Variants in MACROD2 observed in about 807,000 individuals in gnomAD.
MACROD2 encodes ADP-ribose glycohydrolase MACROD2.
A neutral mutation model predicts 70.4 loss-of-function variants in MACROD2; 36 were observed. That is an observed-to-expected ratio of 0.51 (90% CI 0.39 to 0.68). The LOEUF (loss-of-function observed/expected upper bound fraction) is 0.68. Ranked by LOEUF, MACROD2 falls within the 30% of genes least tolerant of loss-of-function variation. The pLI, the probability that MACROD2 is intolerant of heterozygous loss-of-function variation, is 0.00. For synonymous variants in MACROD2, 172 were observed against 178.8 expected (o/e 0.96, Z 0.30); for missense variants, 496 against 538.4 (o/e 0.92, Z 0.78).
intron 3 of MACROD2, among the ~76,000 whole-genome samples, chr20:14,140,344 CT>C (rs2054854358): frequency 6.6e-6 from 1 of 152,078 alleles, no homozygotes; most frequent in African/African-American, 2.4e-5. Context: ...AAATGATAAA[CT>C]TTTTAATGTG....
intron 7 of MACROD2, among the ~76,000 whole-genome samples, chr20:15,434,939 T>A (rs1568805801): frequency 6.6e-6 from 1 of 152,124 alleles, no homozygotes; most frequent in Non-Finnish European, 1.5e-5. Flanking sequence ...TCAAGTATTG[T>A]ATGTTCTCAC....
chr20:16,031,765 T>C (rs1461540745), intron 15 of MACROD2, among the ~76,000 whole-genome samples: 1 of 152,076 alleles, frequency 6.6e-6, no homozygotes, highest in Admixed American at 6.6e-5. Context: ...GCTAATAAAG[T>C]ATGTACGTAT....
chr20:15,573,884 T>C (rs1331214575), intron 8 of MACROD2, among the ~76,000 whole-genome samples: 5 of 152,144 alleles, frequency 3.3e-5, no homozygotes. Flanking sequence ...CTCTCCCACC[T>C]GATTCTTAGA....
intron 2 of MACROD2, among the ~76,000 whole-genome samples, chr20:14,057,564 C>T (rs1424326882): frequency 1.3e-5 from 2 of 152,090 alleles, no homozygotes; most frequent in Non-Finnish European, 2.9e-5. Context: ...GAGCGATGCA[C>T]CTCTCTTTTT....
intron 8 of MACROD2, among the ~76,000 whole-genome samples, chr20:15,679,743 AT>A (rs1248282608): frequency 6.6e-6 from 1 of 152,120 alleles, no homozygotes; most frequent in Admixed American, 6.6e-5. Context: ...GAGTCCATCC[AT>A]TGGAGGAAAA....
chr20:15,749,061 T>G (rs1368323503), intron 8 of MACROD2, among the ~76,000 whole-genome samples: 2 of 152,138 alleles, frequency 1.3e-5, no homozygotes, highest in Non-Finnish European at 2.9e-5. Context: ...CCATTATTAT[T>G]TTCATGTCTC....
intron 5 of MACROD2, among the ~76,000 whole-genome samples, chr20:14,964,674 A>G (rs2074616110): frequency 6.6e-6 from 1 of 152,196 alleles, no homozygotes; most frequent in Admixed American, 6.5e-5. Context: ...ATTAATAGTA[A>G]TAATAGCAGC....
chr20:15,041,802 CTTAA>C (rs1228446352), intron 5 of MACROD2, among the ~76,000 whole-genome samples: 2 of 152,238 alleles, frequency 1.3e-5, no homozygotes, highest in African/African-American at 4.8e-5. Flanking sequence ...CCATTGAGTA[CTTAA>C]TTTCTCCATC....
At chr20:14,056,722 C>A (rs1364136563) in intron 2 of MACROD2, among the ~76,000 whole-genome samples, 1 of 151,794 alleles carries the variant, frequency 6.6e-6, no homozygotes, top group Non-Finnish European at 1.5e-5. Flanking sequence ...GAATTAAAAT[C>A]TTTTTTGGTG....
At chr20:15,121,166 T>C (rs1248889409) in intron 5 of MACROD2, among the ~76,000 whole-genome samples, 5 of 152,194 alleles carry the variant, frequency 3.3e-5, no homozygotes, top group Admixed American at 2.0e-4. Flanking sequence ...TTGGAAAAGA[T>C]ATAATGCGTG....
chr20:15,521,255 C>T (rs949064456), intron 8 of MACROD2, among the ~76,000 whole-genome samples: 14 of 152,208 alleles, frequency 9.2e-5, no homozygotes, highest in African/African-American at 2.4e-4. Context: ...TTTGCCTTCT[C>T]GTTTTTCAGT....
At chr20:14,982,175 G>C (rs13042160) in intron 5 of MACROD2, among the ~76,000 whole-genome samples, 5 of 152,110 alleles carry the variant, frequency 3.3e-5, no homozygotes, top group Non-Finnish European at 5.9e-5. Flanking sequence ...GAACTTGAGA[G>C]AGATGATTTA....
chr20:14,460,511 G>A (rs534633855), intron 3 of MACROD2, among the ~76,000 whole-genome samples: 21 of 152,026 alleles, frequency 1.4e-4, no homozygotes, highest in Admixed American at 3.3e-4. Context: ...TTTGTTGGCC[G>A]CATAAATGTC....
intron 6 of MACROD2, among the ~76,000 whole-genome samples, chr20:15,326,560 T>G (rs974667155): frequency 6.6e-6 from 1 of 152,114 alleles, no homozygotes; most frequent in African/African-American, 2.4e-5. Context: ...AACCATTTTT[T>G]AAAGTAAATG....
intron 5 of MACROD2, among the ~76,000 whole-genome samples, chr20:14,725,095 G>A (rs1344160594): frequency 1.1e-4 from 17 of 152,254 alleles, no homozygotes; most frequent in African/African-American, 2.9e-4. Flanking sequence ...GAAAGGATGG[G>A]AAGAATCAAG....
intron 5 of MACROD2, among the ~76,000 whole-genome samples, chr20:14,940,433 T>C (rs186349771): frequency 7.2e-5 from 11 of 152,316 alleles, no homozygotes; most frequent in African/African-American, 2.6e-4. Flanking sequence ...CTTCTAGTAT[T>C]ATTTTGAATA....
intron 8 of MACROD2, among the ~76,000 whole-genome samples, chr20:15,590,611 G>A (rs1050368529): frequency 6.6e-6 from 1 of 152,138 alleles, no homozygotes; most frequent in South Asian, 2.1e-4. Context: ...GGCCAGGCAC[G>A]GTGGCTCACG....
At chr20:16,005,944 A>T (rs1031475326) in intron 15 of MACROD2, among the ~76,000 whole-genome samples, 1 of 152,152 alleles carries the variant, frequency 6.6e-6, no homozygotes, top group Non-Finnish European at 1.5e-5. Context: ...CAAAAGCTTT[A>T]TGTTTTTCCC....
At chr20:14,730,979 G>GCACACACACACA (rs11474396) in intron 5 of MACROD2, among the ~76,000 whole-genome samples, 636 of 138,912 alleles carry the variant, frequency 4.6e-3, no homozygotes, top group African/African-American at 0.015. Flanking sequence ...AACAGGTTTA[G>GCACACACACACA]CACACACACA....
Sources: allele counts gnomAD v4.1 joint callset (sites outside exome capture counted in the v4.1 genomes callset), GRCh38; gene constraint gnomAD v4.1.1; transcripts MANE v1.5; gene names NCBI Gene and HGNC (gene_info 2026-07-23, HGNC 2026-07-21).